Variants in SPOP observed in about 807,000 individuals in gnomAD.
SPOP encodes the protein speckle-type POZ protein.
SPOP carries 11 observed loss-of-function variants against 45.6 expected under a neutral mutation model. That is an observed-to-expected ratio of 0.24 (90% CI 0.15 to 0.40). The LOEUF is 0.40. SPOP is among the 10% of genes least tolerant of loss of function. The probability of loss-of-function intolerance (pLI) is 1.00; values close to 1 mark genes in which losing one functional copy is unlikely to be tolerated. For missense variants in SPOP, 152 were observed against 465.6 expected (o/e 0.33, Z 6.20); for synonymous variants, 166 against 166.3 (o/e 1.00, Z 0.01).
chr17:49,659,353 A>G (rs2143524562), intron 1 of SPOP, among the ~76,000 whole-genome samples: 1 of 152,298 alleles, frequency 6.6e-6, no homozygotes, highest in Admixed American at 6.5e-5. Context: ...AACCAAAGCC[A>G]ATCACTACCT....
intron 1 of SPOP, among the ~76,000 whole-genome samples, chr17:49,662,738 AG>A (rs2073006001): frequency 6.6e-6 from 1 of 152,168 alleles, no homozygotes; most frequent in Admixed American, 6.5e-5. Flanking sequence ...TCTGTTCAAA[AG>A]AAATTTGAAA....
At chr17:49,614,513 T>C (rs896157756) in intron 5 of SPOP, among the ~76,000 whole-genome samples, 2 of 152,062 alleles carry the variant, frequency 1.3e-5, no homozygotes, top group African/African-American at 4.8e-5. Flanking sequence ...ATCCTCTGAG[T>C]GGGGAAACAA....
At chr17:49,643,701 C>T (rs1353025028) in intron 1 of SPOP, among the ~76,000 whole-genome samples, 2 of 151,964 alleles carry the variant, frequency 1.3e-5, no homozygotes, top group Non-Finnish European at 2.9e-5. Flanking sequence ...GAGGCCCAGG[C>T]GGGCGGATCA....
intron 1 of SPOP, among the ~76,000 whole-genome samples, chr17:49,674,370 C>T (rs1324434695): frequency 6.6e-6 from 1 of 152,134 alleles, no homozygotes; most frequent in African/African-American, 2.4e-5. Flanking sequence ...TTTATTATTG[C>T]TTCAATCTCG....
At chr17:49,659,989 T>G (rs542967998) in intron 1 of SPOP, among the ~76,000 whole-genome samples, 1 of 152,316 alleles carries the variant, frequency 6.6e-6, no homozygotes, top group African/African-American at 2.4e-5. Context: ...TTTAACATAC[T>G]TCTCAAATCC....
At chr17:49,645,808 T>C (rs1011132296) in intron 1 of SPOP, among the ~76,000 whole-genome samples, 5 of 152,158 alleles carry the variant, frequency 3.3e-5, no homozygotes, top group Non-Finnish European at 5.9e-5. Flanking sequence ...TTAAGCTTTT[T>C]TTCCCCTTCT....
intron 1 of SPOP, among the ~76,000 whole-genome samples, chr17:49,669,429 TA>T (rs34977636): frequency 0.17 from 15,073 of 90,842 alleles, 1,053 homozygotes; most frequent in East Asian, 0.34. Context: ...AAAAATAAAT[TA>T]AAAAAAAAAA....
At chr17:49,657,678 T>C (rs948187981) in intron 1 of SPOP, among the ~76,000 whole-genome samples, 2 of 147,604 alleles carry the variant, frequency 1.4e-5, no homozygotes, top group Non-Finnish European at 3.0e-5. Context: ...ATTACAAGCA[T>C]GAGCCACCGC....
At chr17:49,666,570 G>A (rs1477153692) in intron 1 of SPOP, among the ~76,000 whole-genome samples, 2 of 151,922 alleles carry the variant, frequency 1.3e-5, no homozygotes, top group Non-Finnish European at 2.9e-5. Context: ...GCTCATGTCT[G>A]TAATCCCAGT....
At chr17:49,626,806 T>C (rs2072339938) in intron 1 of SPOP, among the ~76,000 whole-genome samples, 1 of 152,190 alleles carries the variant, frequency 6.6e-6, no homozygotes, top group African/African-American at 2.4e-5. Context: ...GTAATACTCA[T>C]AAATGAAATG....
Position 49,599,150 on chromosome 17 carries a change from C to T in SPOP, c.*1228G>A, listed in dbSNP as rs1034847989. 1 of 214,766 alleles carries T rather than the reference C, an allele frequency of 4.7e-6. No individual in the cohort carries two copies. The highest frequency in any genetic ancestry group is 2.3e-5 in the African/African-American group (1 of 44,246). 13.3% of individuals were successfully genotyped at this position (214,766 alleles called of 1,614,324 possible). A position where few individuals can be genotyped will look rare whatever the true frequency, so the allele number is the denominator to read the frequency against. On this transcript the variant is annotated 3_prime_UTR_variant, in exon 10 of 10. Coordinates refer to ENST00000504102, the MANE Select transcript of SPOP (RefSeq NM_001007228.2). ...TGAGATTACGGAGTCTCAACAAATCCCTGCGACTCATTAGGCATTTCAGAC... is the reference window on the plus strand; with the variant it reads ...TGAGATTACGGAGTCTCAACAAATCTCTGCGACTCATTAGGCATTTCAGAC...
At chr17:49,606,676 G>A (rs2071857907) in intron 8 of SPOP, among the ~76,000 whole-genome samples, 2 of 149,178 alleles carry the variant, frequency 1.3e-5, no homozygotes, top group African/African-American at 5.0e-5. Flanking sequence ...GTATTTTTTA[G>A]TAGAGATGGG....
In SPOP at chr17:49,619,288, C is replaced by A. The variant is rs2143270541; in HGVS notation, c.298G>T (p.Ala100Ser). The change falls in exon 4 of 10, where the codon GCA (alanine) becomes TCA (serine). Residue 100 changes from alanine to serine, a missense_variant. Ala to Ser is a moderately conservative substitution (Grantham distance 99, BLOSUM62 1). Coordinates refer to ENST00000504102, the MANE Select transcript of SPOP (RefSeq NM_001007228.2). The surrounding 1 kb of genome is among the most constrained non-coding windows in gnomAD (Gnocchi z 4.9). ...LVSCPKSEVRAKFKFSILNAK... is the reference protein window; with the variant it reads ...LVSCPKSEVRSKFKFSILNAK... Reference sequence around the variant, plus strand: ...TTCAGGATGGAGAATTTGAATTTTGCCCGAACTTCACTCTTTGGACAGCTG... The same window carrying A: ...TTCAGGATGGAGAATTTGAATTTTGACCGAACTTCACTCTTTGGACAGCTG... 1 of 1,614,102 alleles carries A rather than the reference C, an allele frequency of 6.2e-7. No homozygotes were observed. Among genetic ancestry groups the A allele is most frequent in the Non-Finnish European group, 8.5e-7 (1 of 1,180,012 alleles).
intron 1 of SPOP, among the ~76,000 whole-genome samples, chr17:49,655,378 G>A (rs2072894017): frequency 6.6e-6 from 1 of 152,080 alleles, no homozygotes; most frequent in Middle Eastern, 3.2e-3. Flanking sequence ...TGGCGTGGTG[G>A]CGGGCACCTG....
chr17:49,654,343 C>G (rs2072880027), intron 1 of SPOP, among the ~76,000 whole-genome samples: 1 of 152,198 alleles, frequency 6.6e-6, no homozygotes, highest in Non-Finnish European at 1.5e-5. Flanking sequence ...TCCTCCTACC[C>G]TGACCTCCCC....
At chr17:49,611,559 T>C in intron 5 of SPOP, 102 bp from the exon 6 acceptor site, 1 of 1,050,870 alleles carries the variant, frequency 9.5e-7, no homozygotes, top group African/African-American at 1.6e-5. Context: ...ATTCAGATAC[T>C]AATATTAATC....
intron 1 of SPOP, among the ~76,000 whole-genome samples, chr17:49,633,379 C>T (rs1384666257): frequency 6.6e-6 from 1 of 152,124 alleles, no homozygotes; most frequent in African/African-American, 2.4e-5. Flanking sequence ...TATCAAGCCT[C>T]GGTGTGTGCT....
At chr17:49,630,589 T>C (rs1036506570) in intron 1 of SPOP, among the ~76,000 whole-genome samples, 1 of 113,136 alleles carries the variant, frequency 8.8e-6, no homozygotes, top group Non-Finnish European at 1.8e-5. Flanking sequence ...AAATTAAAGA[T>C]GCCTGTTTTT....
At chr17:49,660,216 G>A (rs1039232807) in intron 1 of SPOP, among the ~76,000 whole-genome samples, 1 of 152,208 alleles carries the variant, frequency 6.6e-6, no homozygotes, top group African/African-American at 2.4e-5. Flanking sequence ...CTTAACTCCA[G>A]TCATGCTGGC....
Sources: allele counts gnomAD v4.1 joint callset (sites outside exome capture counted in the v4.1 genomes callset), GRCh38; gene constraint gnomAD v4.1.1; non-coding constraint Gnocchi (gnomAD v3.1); transcripts MANE v1.5; gene names NCBI Gene and HGNC (gene_info 2026-07-23, HGNC 2026-07-21).